The following CADPS2 variants were observed in gnomAD, a reference collection of about 807,000 sequenced individuals.
The protein encoded by CADPS2 is calcium dependent secretion activator 2.
CADPS2 carries 93 observed loss-of-function variants against 172.5 expected under a neutral mutation model. That is an observed-to-expected ratio of 0.54 (90% confidence interval 0.46 to 0.64). CADPS2 has a LOEUF of 0.64. Among genes scored for constraint, CADPS2 ranks in the 30% least tolerant of loss-of-function variants. CADPS2 has a pLI of 0.00. For synonymous variants in CADPS2, 546 were observed against 555.2 expected (o/e 0.98, Z 0.23); for missense variants, 1,420 against 1,565.9 (o/e 0.91, Z 1.57).
At position 122,814,981 on chromosome 7, in the gene CADPS2, C is replaced by T. The variant is rs573188515; in HGVS notation, c.339+71018G>A. The stretch of plus-strand genomic sequence containing the variant: ...TGTGTGGAATTATTCCTAGGTCGGC[C>T]CCAGAACTCTTGCACAAAGAACCCA... On this transcript the variant is annotated intron_variant, in intron 1 of 29. Coordinates refer to ENST00000449022, the MANE Select transcript of CADPS2 (RefSeq NM_017954.11). Among the ~76,000 whole-genome samples, 80 of 152,044 alleles carry T rather than the reference C, an allele frequency of 5.3e-4. 1 individual carries two copies. The highest frequency in any genetic ancestry group is 1.9e-3 in the African/African-American group (79 of 41,484).
intron 17 of CADPS2, among the ~76,000 whole-genome samples, chr7:122,430,468 C>T (rs779072368): frequency 2.4e-4 from 37 of 152,150 alleles, no homozygotes; most frequent in Non-Finnish European, 4.6e-4. Context: ...TTTGCATCAA[C>T]AAGGCACATG....
chr7:122,560,333 G>A (rs1226398399), intron 7 of CADPS2, among the ~76,000 whole-genome samples: 1 of 152,170 alleles, frequency 6.6e-6, no homozygotes, highest in African/African-American at 2.4e-5. Flanking sequence ...GGGATAGACT[G>A]TAAGAAATGT....
rs909106585 is a variant in CADPS2, at chr7:122,826,870, C to A, written c.339+59129G>T. On this transcript the variant is annotated intron_variant, in intron 1 of 29. Transcript: ENST00000449022. ...ATGTCTACAATAACCTAATCTCTCA[C>A]GTTAAGAACCCAGAAAAAGAATAAA... Among the ~76,000 whole-genome samples, 3 of 151,768 alleles carry A rather than the reference C, an allele frequency of 2.0e-5. No individual in the cohort carries two copies. The East Asian group carries it at 5.8e-4, about 29-fold the overall frequency.
intron 11 of CADPS2, among the ~76,000 whole-genome samples, chr7:122,488,379 G>T (rs925580459): frequency 5.3e-5 from 8 of 152,214 alleles, no homozygotes; most frequent in Non-Finnish European, 1.0e-4. Flanking sequence ...GAGCTGTGCT[G>T]CAAGAGAAAC....
intron 14 of CADPS2, among the ~76,000 whole-genome samples, chr7:122,463,431 T>G (rs993788832): frequency 3.3e-5 from 5 of 152,126 alleles, no homozygotes; most frequent in African/African-American, 1.2e-4. Flanking sequence ...GCCATTCTCC[T>G]GCCTCAACCT....
chr7:122,836,553 C>T (rs1349551363), intron 1 of CADPS2, among the ~76,000 whole-genome samples: 1 of 152,104 alleles, frequency 6.6e-6, no homozygotes, highest in Non-Finnish European at 1.5e-5. Flanking sequence ...TGCAGAGACA[C>T]ACATAGGCTC....
intron 2 of CADPS2, among the ~76,000 whole-genome samples, chr7:122,707,798 TTA>T (rs575778719): frequency 4.1e-4 from 61 of 150,032 alleles, no homozygotes; most frequent in African/African-American, 7.1e-4. Flanking sequence ...TAATGTTTTC[TTA>T]TATATATATA....
intron 9 of CADPS2, among the ~76,000 whole-genome samples, chr7:122,504,188 T>C (rs1427137333): frequency 6.6e-6 from 1 of 152,220 alleles, no homozygotes; most frequent in East Asian, 1.9e-4. Context: ...TTTTCTGTAA[T>C]ATAAGAAAAA....
chr7:122,772,715 G>T (rs982353346), intron 1 of CADPS2, among the ~76,000 whole-genome samples: 5 of 152,088 alleles, frequency 3.3e-5, no homozygotes, highest in African/African-American at 9.7e-5. Flanking sequence ...CTTAAAAATT[G>T]GAGAGACATA....
At chr7:122,725,680 G>A (rs1488275548) in intron 2 of CADPS2, among the ~76,000 whole-genome samples, 1 of 151,684 alleles carries the variant, frequency 6.6e-6, no homozygotes, top group Admixed American at 6.6e-5. Flanking sequence ...TATAATCCCA[G>A]CACTTTGGGA....
At chr7:122,752,895 A>C (rs2093008336) in intron 1 of CADPS2, among the ~76,000 whole-genome samples, 1 of 152,196 alleles carries the variant, frequency 6.6e-6, no homozygotes, top group Non-Finnish European at 1.5e-5. Context: ...AGAGAAAAGA[A>C]AGACAAACAA....
chr7:122,886,365 CCG>C lies in CADPS2; in HGVS notation c.-30_-29del. The C allele has an allele frequency of 2.0e-6, 3 of 1,488,208 alleles. No homozygotes were observed. Among genetic ancestry groups the C allele is most frequent in the Non-Finnish European group, 2.7e-6 (3 of 1,127,962 alleles). 92.2% of individuals were successfully genotyped at this position (1,488,208 alleles called of 1,614,324 possible). On this transcript the variant is annotated 5_prime_UTR_variant, in exon 1 of 30. Transcript: ENST00000449022. ...TGCTCGGGGATCCCCGCCGCTCGGC[CCG>C]CGGTCCCCAAGCGCCTCACCCCCGG...
chr7:122,812,039 C>A (rs1236610076), intron 1 of CADPS2, among the ~76,000 whole-genome samples: 1 of 150,614 alleles, frequency 6.6e-6, no homozygotes, highest in South Asian at 2.1e-4. Context: ...TTTTTTCACT[C>A]CTCTATATTT....
chr7:122,838,800 A>C (rs184246828), intron 1 of CADPS2, among the ~76,000 whole-genome samples: 8 of 152,246 alleles, frequency 5.3e-5, no homozygotes, highest in Middle Eastern at 3.4e-3. Flanking sequence ...AATGGAAGAA[A>C]ATTCCATGCT....
chr7:122,672,596 G>A (rs752880037), intron 2 of CADPS2, among the ~76,000 whole-genome samples: 4 of 152,182 alleles, frequency 2.6e-5, no homozygotes, highest in African/African-American at 4.8e-5. Flanking sequence ...CCTCCTGGGA[G>A]AATAGAGACA....
chr7:122,423,587 T>C (rs911799531), intron 17 of CADPS2, among the ~76,000 whole-genome samples: 8 of 152,198 alleles, frequency 5.3e-5, no homozygotes, highest in Non-Finnish European at 7.3e-5. Context: ...AAATGAGGAA[T>C]CATTGACTCT....
intron 2 of CADPS2, among the ~76,000 whole-genome samples, chr7:122,716,034 G>T (rs1170377376): frequency 6.6e-6 from 1 of 152,010 alleles, no homozygotes; most frequent in Non-Finnish European, 1.5e-5. Flanking sequence ...CACAAAAAAA[G>T]TATGTGAGGT....
intron 1 of CADPS2, among the ~76,000 whole-genome samples, chr7:122,839,751 A>C (rs1416347473): frequency 6.6e-6 from 1 of 152,200 alleles, no homozygotes; most frequent in Non-Finnish European, 1.5e-5. Flanking sequence ...CACCAGTTAG[A>C]ATGGCAATCA....
intron 5 of CADPS2, 110 bp from the exon 6 acceptor site, chr7:122,615,409 T>A (rs1435515347): frequency 1.5e-5 from 9 of 601,854 alleles, no homozygotes; most frequent in East Asian, 6.2e-5. Flanking sequence ...TGAAAAAAAA[T>A]TTGTTTTTTG....
Sources: gnomAD v4.1 joint callset for allele counts (sites outside exome capture counted in the v4.1 genomes callset) on GRCh38, gnomAD v4.1.1 for gene constraint, MANE v1.5 for transcripts, NCBI Gene and HGNC (gene_info 2026-07-23, HGNC 2026-07-21) for gene names.